Variants in ME1 observed in about 807,000 individuals in gnomAD.
ME1 encodes the protein malic enzyme 1, also known as NADP-dependent malic enzyme.
In ME1, 74 loss-of-function variants were observed where a neutral mutation model predicts 66.4. The ratio of observed to expected loss-of-function variants is 1.11; its 90% confidence interval spans 0.92 to 1.35. The LOEUF is 1.35. ME1 is among the 40% of genes most tolerant of loss of function. The pLI is 0.00. For synonymous variants in ME1, 251 were observed against 235.6 expected (o/e 1.07, Z -0.60); for missense variants, 750 against 694.1 (o/e 1.08, Z -0.90).
chr6:83,281,860 A>AC (rs1767300786), intron 6 of ME1, among the ~76,000 whole-genome samples: 1 of 136,658 alleles, frequency 7.3e-6, no homozygotes, highest in African/African-American at 3.1e-5. Context: ...AAAGAGAAAA[A>AC]AAAAAAGAGA....
intron 12 of ME1, among the ~76,000 whole-genome samples, chr6:83,218,512 T>A (rs1204399795): frequency 6.6e-6 from 1 of 152,052 alleles, no homozygotes; most frequent in Non-Finnish European, 1.5e-5. Context: ...CTGTATACAT[T>A]CCCATCAGTG....
rs1000778087 is a variant in ME1 at position 83,270,303 on chromosome 6, T to C, written c.705-16565A>G. Among the ~76,000 whole-genome samples the C allele has an allele frequency of 1.8e-4, 27 of 152,308 alleles. 1 individual carries two copies. The highest frequency in any genetic ancestry group is 3.4e-3 in the Middle Eastern group (1 of 294). On this transcript the variant is annotated intron_variant, in intron 6 of 13. Coordinates refer to ENST00000369705, the MANE Select transcript of ME1 (RefSeq NM_002395.6). The stretch of plus-strand genomic sequence containing the variant: ...TGCCACTCTTCATTCCTTTTCTTTT[T>C]GAAGTTGTTAGCTAAACTGCACAAC...
chr6:83,263,798 CATA>C (rs1766940012), intron 6 of ME1, among the ~76,000 whole-genome samples: 1 of 147,336 alleles, frequency 6.8e-6, no homozygotes, highest in African/African-American at 2.5e-5. Context: ...CATAACATAA[CATA>C]ACATAACATA....
intron 1 of ME1, among the ~76,000 whole-genome samples, chr6:83,429,873 G>A (rs1770449372): frequency 6.6e-6 from 1 of 152,134 alleles, no homozygotes; most frequent in African/African-American, 2.4e-5. Context: ...CCTCTGTGCT[G>A]ACTGATGGCA....
chr6:83,421,452 A>G (rs572314238), intron 1 of ME1, among the ~76,000 whole-genome samples: 1 of 152,228 alleles, frequency 6.6e-6, no homozygotes, highest in Non-Finnish European at 1.5e-5. Flanking sequence ...ACTAAATCCA[A>G]CAATAATCCT....
rs757421355 is a variant in ME1 at position 83,212,045 on chromosome 6, G to A, written c.1598C>T (p.Pro533Leu). The A allele has an allele frequency of 6.2e-6, 10 of 1,611,684 alleles. No individual in the cohort carries two copies. The highest frequency in any genetic ancestry group is 4.0e-5 in the African/African-American group (3 of 74,810). The change falls in exon 14 of 14, where the codon CCG (proline) becomes CTG (leucine). Residue 533 changes from proline to leucine, a missense_variant. Transcript: ENST00000369705. ...GCGGACAAATGCTTCTTTGTTTTGC[G>A]GTTCAGGATAAACTGTGGCTGTCTT... ...QEKTATVYPEPQNKEAFVRSQ... is the reference protein window; with the variant it reads ...QEKTATVYPELQNKEAFVRSQ...
At chr6:83,340,890 TTTTGTCTG>T (rs1264519681) in intron 5 of ME1, among the ~76,000 whole-genome samples, 1 of 152,158 alleles carries the variant, frequency 6.6e-6, no homozygotes, top group Non-Finnish European at 1.5e-5. Context: ...CTATTTTCCT[TTTTGTCTG>T]TTTGCCTCTT....
intron 7 of ME1, among the ~76,000 whole-genome samples, chr6:83,249,627 C>G (rs1790687602): frequency 6.6e-6 from 1 of 152,142 alleles, no homozygotes; most frequent in South Asian, 2.1e-4. Flanking sequence ...TTATCATCCC[C>G]ATTTTACATT....
chr6:83,342,777 C>G (rs971779131), intron 5 of ME1, among the ~76,000 whole-genome samples: 8 of 152,012 alleles, frequency 5.3e-5, no homozygotes, highest in African/African-American at 1.9e-4. Context: ...AACCTCCATC[C>G]CTGGGTTCAA....
chr6:83,401,175 G>A (rs2128551035), intron 2 of ME1, among the ~76,000 whole-genome samples: 1 of 152,024 alleles, frequency 6.6e-6, no homozygotes, highest in South Asian at 2.1e-4. Flanking sequence ...TTAATAATTT[G>A]TATTTAAAAA....
intron 1 of ME1, among the ~76,000 whole-genome samples, chr6:83,414,015 G>C (rs536879465): frequency 2.0e-5 from 3 of 151,092 alleles, no homozygotes; most frequent in Admixed American, 1.3e-4. Flanking sequence ...AGAGGCTGAG[G>C]TGGGAAGATC....
chr6:83,258,088 C>T (rs1255736453), intron 6 of ME1, among the ~76,000 whole-genome samples: 1 of 152,064 alleles, frequency 6.6e-6, no homozygotes, highest in African/African-American at 2.4e-5. Flanking sequence ...TATGGTTTGC[C>T]TTCAATGTTT....
intron 4 of ME1, among the ~76,000 whole-genome samples, chr6:83,347,619 A>G (rs1054800111): frequency 6.6e-6 from 1 of 152,216 alleles, no homozygotes; most frequent in African/African-American, 2.4e-5. Context: ...AGCATTTGGC[A>G]CACAGTAAAC....
intron 6 of ME1, among the ~76,000 whole-genome samples, chr6:83,304,289 T>G (rs768626510): frequency 3.9e-5 from 6 of 152,302 alleles, no homozygotes; most frequent in Non-Finnish European, 7.4e-5. Context: ...CTTTGCAAGC[T>G]GTCAAAATTA....
chr6:83,310,450 T>A (rs1177158213), intron 6 of ME1, among the ~76,000 whole-genome samples: 2 of 152,120 alleles, frequency 1.3e-5, no homozygotes, highest in Non-Finnish European at 2.9e-5. Flanking sequence ...CTTACAAACC[T>A]CTTAAACACT....
At chr6:83,317,010 T>C (rs1768048511) in intron 5 of ME1, among the ~76,000 whole-genome samples, 1 of 151,742 alleles carries the variant, frequency 6.6e-6, no homozygotes, top group Non-Finnish European at 1.5e-5. Flanking sequence ...TAGAGAAAAT[T>C]GAAATAATGA....
intron 3 of ME1, among the ~76,000 whole-genome samples, chr6:83,363,748 T>C (rs1769048269): frequency 6.6e-6 from 1 of 152,274 alleles, no homozygotes; most frequent in Admixed American, 6.5e-5. Flanking sequence ...TGTGTATTTA[T>C]ACACTTGTAC....
chr6:83,292,287 T>C (rs905751054), intron 6 of ME1, among the ~76,000 whole-genome samples: 2 of 152,208 alleles, frequency 1.3e-5, no homozygotes, highest in Admixed American at 1.3e-4. Flanking sequence ...TGTTGGGACC[T>C]ACGAATAGGG....
intron 6 of ME1, among the ~76,000 whole-genome samples, chr6:83,287,327 C>T (rs1045737270): frequency 2.0e-5 from 3 of 152,078 alleles, no homozygotes; most frequent in African/African-American, 7.2e-5. Flanking sequence ...CCACAGGTCC[C>T]GGTGTTTGAT....
Sources: allele counts gnomAD v4.1 joint callset (sites outside exome capture counted in the v4.1 genomes callset), GRCh38; gene constraint gnomAD v4.1.1; transcripts MANE v1.5; gene names NCBI Gene and HGNC (gene_info 2026-07-23, HGNC 2026-07-21).